The following NT5C3B variants were observed in gnomAD, a reference collection of about 807,000 sequenced individuals.
NT5C3B encodes 5'-nucleotidase, cytosolic IIIB, also known as 7-methylguanosine phosphate-specific 5'-nucleotidase.
Under a neutral mutation model 32.5 loss-of-function variants are expected in NT5C3B, and 28 were observed. The observed-to-expected ratio is 0.86, with a 90% confidence interval of 0.64 to 1.18. The LOEUF is 1.18. NT5C3B is among the 50% of genes most tolerant of loss of function. The pLI is 0.00. For missense variants in NT5C3B, 317 were observed against 322.0 expected, an observed-to-expected ratio of 0.98 and a Z score of 0.12; for synonymous variants, 138 against 118.0, an observed-to-expected ratio of 1.17 and a Z score of -1.10.
chr17:41,830,767 C>G, intron 6 of NT5C3B, 34 bp downstream of exon 6: 1 of 1,423,108 alleles, frequency 7.0e-7, no homozygotes, highest in Non-Finnish European at 9.9e-7. Context: ...TCTAAATAGT[C>G]TGATAGAAAT....
At chr17:41,828,583 C>G (rs1324561541) in intron 7 of NT5C3B, 1 of 442,574 alleles carries the variant, frequency 2.3e-6, no homozygotes, top group Non-Finnish European at 4.1e-6. Context: ...GTGATCCGCC[C>G]GCCTCGGCCT....
chr17:41,832,512 C>G (rs1555619193), intron 4 of NT5C3B, 35 bp from the exon 5 acceptor site: 1 of 1,580,602 alleles, frequency 6.3e-7, no homozygotes, highest in South Asian at 1.1e-5. Context: ...GGCCATTAGT[C>G]CATATCAAGT....
rs782476392 is a variant in NT5C3B at position 41,835,067 on chromosome 17, C to T, written c.228+3G>A. 8 of 1,613,926 alleles carry T rather than the reference C, an allele frequency of 5.0e-6. No individual in the cohort carries two copies. Among genetic ancestry groups the T allele is most frequent in the African/African-American group, 1.3e-5 (1 of 74,898 alleles). On this transcript the variant is annotated splice_donor_region_variant and intron_variant, in intron 4 of 8. Transcript: ENST00000435506. The stretch of plus-strand genomic sequence containing the variant: ...TTCTGAGCAAAGGACGGGAGCAACC[C>T]ACCTCTTTCCGACACTCCTCACTGA...
intron 6 of NT5C3B, among the ~76,000 whole-genome samples, chr17:41,830,113 G>A (rs1177678666): frequency 6.6e-6 from 1 of 152,174 alleles, no homozygotes; most frequent in African/African-American, 2.4e-5. Context: ...GCTGTTCAGT[G>A]AAGGCCGCCA....
chr17:41,836,113 G>A, intron 1 of NT5C3B, 69 bp downstream of exon 1: 2 of 1,333,680 alleles, frequency 1.5e-6, no homozygotes, highest in East Asian at 3.0e-5. Flanking sequence ...TGACCAGCTG[G>A]GGGGCTCGAA....
At chr17:41,834,232 C>T (rs1413183048) in intron 4 of NT5C3B, among the ~76,000 whole-genome samples, 1 of 151,924 alleles carries the variant, frequency 6.6e-6, no homozygotes, top group Non-Finnish European at 1.5e-5. Context: ...CTCGTCTCTA[C>T]TAAAAATACA....
rs782141549 is a variant in NT5C3B, at chr17:41,828,891, A to G, written c.466T>C (p.Ser156Pro). 8.1e-6 allele frequency: 13 copies of G among 1,614,052 alleles called. No individual in the cohort carries two copies. Among genetic ancestry groups the G allele is most frequent in the Admixed American group, 1.7e-5 (1 of 60,032 alleles). ...YHNNIPLFIF[S>P]AGIGDILEEI... ...TCCAGGATATCACCAATGCCCGCAG[A>G]AAAGATGAAAAGGGGAATGTTGTTA... The change falls in exon 7 of 9, where the codon TCT (serine) becomes CCT (proline). Residue 156 changes from serine to proline, a missense_variant. Physicochemically the swap from Ser to Pro is moderately conservative, Grantham distance 74. Coordinates refer to ENST00000435506, the MANE Select transcript of NT5C3B (RefSeq NM_052935.5).
chr17:41,833,483 A>G (rs1338011144), intron 4 of NT5C3B, among the ~76,000 whole-genome samples: 1 of 151,812 alleles, frequency 6.6e-6, no homozygotes, highest in Non-Finnish European at 1.5e-5. Flanking sequence ...CGCCCAGCTA[A>G]TTTTTTGTAT....
In NT5C3B at chr17:41,825,276, C is replaced by A. The variant is rs2047941408; in HGVS notation, c.*247G>T. On this transcript the variant is annotated 3_prime_UTR_variant, in exon 9 of 9. Transcript: ENST00000435506. ...TTTTGAAGAAAATCCCTGGAGTAGACAATCCCTAGAGCACTGACATGCTGT... is the reference window on the plus strand; with the variant it reads ...TTTTGAAGAAAATCCCTGGAGTAGAAAATCCCTAGAGCACTGACATGCTGT... 2.2e-6 allele frequency: 1 copy of A among 446,262 alleles called. No homozygotes were observed. The highest frequency in any genetic ancestry group is 4.0e-6 in the Non-Finnish European group (1 of 251,348). The allele number at this position is 446,262 out of a possible 1,614,324, so 27.6% of individuals were successfully genotyped here. A position where few individuals can be genotyped will look rare whatever the true frequency, so the allele number is the denominator to read the frequency against.
At chr17:41,835,705 G>C (rs1474656799) in intron 2 of NT5C3B, 154 bp downstream of exon 2, 1 of 826,980 alleles carries the variant, frequency 1.2e-6, no homozygotes. Flanking sequence ...TTTTAGGACA[G>C]GCGAACCAAC....
At chr17:41,826,167 A>T (rs12945238) in intron 8 of NT5C3B, among the ~76,000 whole-genome samples, 10 of 148,874 alleles carry the variant, frequency 6.7e-5, no homozygotes, top group African/African-American at 2.5e-4. Flanking sequence ...AAAAAAAAAA[A>T]AAAAAAAAAA....
At chr17:41,830,191 C>T (rs1426594956) in intron 6 of NT5C3B, among the ~76,000 whole-genome samples, 1 of 152,206 alleles carries the variant, frequency 6.6e-6, no homozygotes, top group African/African-American at 2.4e-5. Context: ...AGACAGACCC[C>T]AAAAGTCTTT....
At chr17:41,835,309 C>G (rs2048128704) in intron 2 of NT5C3B, 37 bp from the exon 3 acceptor site, 1 of 1,547,624 alleles carries the variant, frequency 6.5e-7, no homozygotes, top group Non-Finnish European at 8.9e-7. Flanking sequence ...TAAATAGGCA[C>G]CAGAATTCTA....
At position 41,827,425 on chromosome 17, in the gene NT5C3B, C is replaced by T. The variant is rs2047985356; in HGVS notation, c.768+1G>A. 5.7e-6 allele frequency: 5 copies of T among 872,396 alleles called. No individual in the cohort carries two copies. Among genetic ancestry groups the T allele is most frequent in the Non-Finnish European group, 1.0e-5 (5 of 501,682 alleles). The allele number at this position is 872,396 out of a possible 1,614,324, so 54.0% of individuals were successfully genotyped here. ...AGAAGCAGCCCTGGTCCTCTACCCA[C>T]CTTGTCATTCAGGAAGCCAATTTTG... is the stretch of plus-strand genomic sequence containing the variant. On this transcript the variant is annotated splice_donor_variant, in intron 8 of 8. Coordinates refer to ENST00000435506, the MANE Select transcript of NT5C3B (RefSeq NM_052935.5). LOFTEE classifies it high-confidence loss of function.
intron 7 of NT5C3B, 61 bp downstream of exon 7, chr17:41,828,729 C>CT (rs1555618575): frequency 6.7e-7 from 1 of 1,482,132 alleles, no homozygotes; most frequent in South Asian, 1.2e-5. Context: ...GCAGAGTTAA[C>CT]TGCCCTGGCT....
chr17:41,826,861 G>A (rs1472616778), intron 8 of NT5C3B, among the ~76,000 whole-genome samples: 1 of 151,842 alleles, frequency 6.6e-6, no homozygotes, highest in East Asian at 1.9e-4. Flanking sequence ...TGAACCAGGT[G>A]TGGTGGCACA....
intron 8 of NT5C3B, among the ~76,000 whole-genome samples, chr17:41,826,579 A>G (rs1208416426): frequency 6.6e-6 from 1 of 151,862 alleles, no homozygotes; most frequent in East Asian, 2.0e-4. Flanking sequence ...ACTGGAGTGC[A>G]GTGGCGCAAT....
chr17:41,831,930 C>A (rs1461348928), intron 5 of NT5C3B, among the ~76,000 whole-genome samples: 1 of 152,094 alleles, frequency 6.6e-6, no homozygotes, highest in East Asian at 1.9e-4. Context: ...GTGGCACGTG[C>A]CCGTAGTACC....
intron 4 of NT5C3B, 98 bp from the exon 5 acceptor site, chr17:41,832,575 G>T: frequency 1.0e-6 from 1 of 977,272 alleles, no homozygotes; most frequent in Admixed American, 2.0e-5. Flanking sequence ...ACCTAGAAGA[G>T]GCAACTTCAT....
Sources: allele counts gnomAD v4.1 joint callset (sites outside exome capture counted in the v4.1 genomes callset), GRCh38; gene constraint gnomAD v4.1.1; transcripts MANE v1.5; gene names NCBI Gene and HGNC (gene_info 2026-07-23, HGNC 2026-07-21).